Variants in LRRIQ1 observed in about 807,000 individuals in gnomAD.
LRRIQ1 encodes leucine-rich repeat- and IQ domain-containing protein 1.
Under a neutral mutation model 211.9 loss-of-function variants are expected in LRRIQ1, and 210 were observed. That is an observed-to-expected ratio of 0.99 (90% CI 0.89 to 1.11). The LOEUF (loss-of-function observed/expected upper bound fraction) is 1.11. Ranked by LOEUF, LRRIQ1 falls within the 50% of genes most tolerant of loss-of-function variation. LRRIQ1 has a pLI of 0.00. For missense variants in LRRIQ1, 2,136 were observed against 1,939.5 expected, an observed-to-expected ratio of 1.10 and a Z score of -1.90; for synonymous variants, 699 against 650.1, an observed-to-expected ratio of 1.08 and a Z score of -1.14.
rs1266485027 is a variant in LRRIQ1 at position 85,152,204 on chromosome 12, C to A, written c.4330-76C>A. 4 of 1,243,856 alleles carry A rather than the reference C, an allele frequency of 3.2e-6. No homozygotes were observed. The East Asian group carries it at 9.7e-5, about 30-fold the overall frequency. The allele number at this position is 1,243,856 out of a possible 1,614,324, so 77.1% of individuals were successfully genotyped here. A position where few individuals can be genotyped will look rare whatever the true frequency, so the allele number is the denominator to read the frequency against. ...GATATACTTTGTCAACATTTGTAGT[C>A]TATAAGATGAATTAAAAGAAACATT... On this transcript the variant is annotated intron_variant, in intron 19 of 26. Transcript: ENST00000393217.
intron 8 of LRRIQ1, among the ~76,000 whole-genome samples, chr12:85,060,796 G>A (rs1482309230): frequency 1.3e-5 from 2 of 151,730 alleles, no homozygotes; most frequent in Admixed American, 6.6e-5. Context: ...TTGTAATTAC[G>A]TTTACCATAG....
intron 11 of LRRIQ1, among the ~76,000 whole-genome samples, chr12:85,079,014 G>T (rs1051900002): frequency 1.3e-5 from 2 of 151,890 alleles, no homozygotes; most frequent in Non-Finnish European, 2.9e-5. Flanking sequence ...AAGACATCTG[G>T]GTTCTCATAT....
At chr12:85,134,375 A>G (rs1888976506) in intron 18 of LRRIQ1, among the ~76,000 whole-genome samples, 1 of 152,054 alleles carries the variant, frequency 6.6e-6, no homozygotes, top group African/African-American at 2.4e-5. Flanking sequence ...CATAGCATTT[A>G]TTTAGCATAC....
intron 11 of LRRIQ1, among the ~76,000 whole-genome samples, chr12:85,091,164 C>G (rs1197697982): frequency 2.0e-5 from 3 of 152,140 alleles, no homozygotes; most frequent in African/African-American, 4.8e-5. Context: ...TCTCTAGAAG[C>G]TGAGAAGATG....
At chr12:85,082,257 C>T (rs1241202611) in intron 11 of LRRIQ1, among the ~76,000 whole-genome samples, 2 of 152,072 alleles carry the variant, frequency 1.3e-5, no homozygotes, top group Non-Finnish European at 2.9e-5. Context: ...TTTACTTTCA[C>T]CAATGCAGTT....
At position 85,244,915 on chromosome 12, in the gene LRRIQ1, T is replaced by C; in HGVS notation, c.5143T>C (p.Leu1715=). ...ACACTCAGCAGGATCTTCAAGTAAG[T>C]TGTGGTTTCCTTCAAAATTAATTTA... ...HRHSAGSSSK[L]WFPSKLI The change falls in exon 27 of 27, where the codon TTG becomes CTG. Residue 1715 remains leucine (L), a synonymous_variant. Coordinates refer to ENST00000393217, the MANE Select transcript of LRRIQ1 (RefSeq NM_001079910.2). 1.2e-6 allele frequency: 2 copies of C among 1,610,518 alleles called. No homozygotes were observed. Among genetic ancestry groups the C allele is most frequent in the East Asian group, 2.2e-5 (1 of 44,762 alleles).
rs1195171746 is a variant in LRRIQ1, at chr12:85,154,015, C to G, written c.4641C>G (p.Gly1547=). 2 of 1,548,376 alleles carry G rather than the reference C, an allele frequency of 1.3e-6. No homozygotes were observed. Among genetic ancestry groups the G allele is most frequent in the Admixed American group, 3.9e-5 (2 of 51,522 alleles). Residue 1547 remains glycine (G), a synonymous_variant, in exon 23 of 27, where the codon GGC becomes GGG. Coordinates refer to ENST00000393217, the MANE Select transcript of LRRIQ1 (RefSeq NM_001079910.2). ...EKEKKISEEW[G]FKDISTAQQM... ...ATTATATTTAATCTTTTAATAGGGG[C>G]TTTAAGGATATTTCTACTGCTCAGC...
chr12:85,172,806 G>A (rs911469474), intron 24 of LRRIQ1, among the ~76,000 whole-genome samples: 3 of 151,984 alleles, frequency 2.0e-5, no homozygotes, highest in Non-Finnish European at 4.4e-5. Flanking sequence ...GAGATGAAGT[G>A]GGCATTAAAA....
chr12:85,047,577 T>C (rs985524052), intron 6 of LRRIQ1, 107 bp downstream of exon 6: 2 of 864,538 alleles, frequency 2.3e-6, no homozygotes, highest in Non-Finnish European at 3.6e-6. Flanking sequence ...TGACTTTTAA[T>C]TACTCTCTGA....
At chr12:85,058,994 C>T (rs1206409329) in intron 8 of LRRIQ1, among the ~76,000 whole-genome samples, 1 of 151,954 alleles carries the variant, frequency 6.6e-6, no homozygotes, top group Non-Finnish European at 1.5e-5. Flanking sequence ...CATATAGATG[C>T]TAAAATGTTA....
intron 15 of LRRIQ1, among the ~76,000 whole-genome samples, chr12:85,116,377 C>G (rs529014761): frequency 6.6e-6 from 1 of 152,052 alleles, no homozygotes; most frequent in African/African-American, 2.4e-5. Flanking sequence ...ATCTCCTGAC[C>G]TCGTGATCCG....
In LRRIQ1 at chr12:85,067,977, G is replaced by A. The variant is rs138549978; in HGVS notation, c.2695+1079G>A. The stretch of plus-strand genomic sequence containing the variant: ...TTCCCTCTTCTACCCACTGAAATGC[G>A]ACTCAGGTTACTTCTGCATTATTGC... On this transcript the variant is annotated intron_variant, in intron 10 of 26. Coordinates refer to ENST00000393217, the MANE Select transcript of LRRIQ1 (RefSeq NM_001079910.2). Among the ~76,000 whole-genome samples, 290 of 151,912 alleles carry A rather than the reference G, an allele frequency of 1.9e-3. 2 individuals carry two copies. In the Middle Eastern group the frequency reaches 0.037, roughly 20 times the overall value.
At chr12:85,229,676 T>C (rs1269460730) in intron 25 of LRRIQ1, 27 bp downstream of exon 25, 3 of 1,597,856 alleles carry the variant, frequency 1.9e-6, no homozygotes, top group African/African-American at 2.7e-5. Flanking sequence ...TAAATTAGAT[T>C]TTTGTATTGT....
At chr12:85,066,170 T>C (rs1391104017) in intron 9 of LRRIQ1, among the ~76,000 whole-genome samples, 1 of 151,870 alleles carries the variant, frequency 6.6e-6, no homozygotes, top group Non-Finnish European at 1.5e-5. Flanking sequence ...TTCACATCTT[T>C]CCCACATGCA....
At chr12:85,250,947 TTTATATA>T (rs1366929174) in intron 1 of LRRIQ1, among the ~76,000 whole-genome samples, 1 of 107,594 alleles carries the variant, frequency 9.3e-6, no homozygotes, top group East Asian at 2.3e-4. Context: ...TATAATATAT[TTTATATA>T]TTATATATTA....
intron 24 of LRRIQ1, among the ~76,000 whole-genome samples, chr12:85,220,378 A>G (rs1349717903): frequency 6.6e-6 from 1 of 152,010 alleles, no homozygotes; most frequent in Non-Finnish European, 1.5e-5. Context: ...ACTTTACGAT[A>G]TTATGTTATA....
intron 24 of LRRIQ1, among the ~76,000 whole-genome samples, chr12:85,192,595 T>A (rs1317419513): frequency 1.8e-5 from 2 of 111,150 alleles, no homozygotes; most frequent in Admixed American, 2.3e-4. Context: ...TATACTATAA[T>A]TGTGTATATA....
chr12:85,232,190 CAT>C (rs1894974481), intron 25 of LRRIQ1, among the ~76,000 whole-genome samples: 1 of 151,840 alleles, frequency 6.6e-6, no homozygotes, highest in African/African-American at 2.4e-5. Flanking sequence ...AATAGGTAGT[CAT>C]ATTTTAAGAA....
chr12:85,129,191 A>C (rs1418288965), intron 18 of LRRIQ1, among the ~76,000 whole-genome samples: 1 of 152,176 alleles, frequency 6.6e-6, no homozygotes, highest in Non-Finnish European at 1.5e-5. Flanking sequence ...TTAAAAATTT[A>C]TTTACTCATC....
Sources: allele counts gnomAD v4.1 joint callset (sites outside exome capture counted in the v4.1 genomes callset), GRCh38; gene constraint gnomAD v4.1.1; transcripts MANE v1.5; gene names NCBI Gene and HGNC (gene_info 2026-07-23, HGNC 2026-07-21).